The following RSPH4A variants were observed in gnomAD, a reference collection of about 807,000 sequenced individuals.
RSPH4A encodes radial spoke head component 4A, also known as radial spoke head protein 4 homolog A.
A neutral mutation model predicts 71.0 loss-of-function variants in RSPH4A; 47 were observed. The ratio of observed to expected loss-of-function variants is 0.66; its 90% confidence interval spans 0.52 to 0.84. The LOEUF (loss-of-function observed/expected upper bound fraction) is 0.84, where lower values mean the gene tolerates loss of function less well. Among genes scored for constraint, RSPH4A ranks in the 40% least tolerant of loss-of-function variants. The probability of loss-of-function intolerance (pLI) is 0.00; values close to 1 mark genes in which losing one functional copy is unlikely to be tolerated. For synonymous variants in RSPH4A, 282 were observed against 302.3 expected, an observed-to-expected ratio of 0.93 and a Z score of 0.70; for missense variants, 793 against 855.2, an observed-to-expected ratio of 0.93 and a Z score of 0.91.
rs566718486 is a variant in RSPH4A, at chr6:116,621,398, C to A, written c.687-1370C>A. Among the ~76,000 whole-genome samples, 3 of 151,972 alleles carry A rather than the reference C, an allele frequency of 2.0e-5. No homozygotes were observed. In the South Asian group the frequency reaches 6.2e-4, roughly 32 times the overall value. On this transcript the variant is annotated intron_variant, in intron 1 of 5. Coordinates refer to ENST00000229554, the MANE Select transcript of RSPH4A (RefSeq NM_001010892.3). ...GAGACGTTAAATGAAAAAGAAAAAA[C>A]GAAAAATATAGCTTAGGTCAATTAA... is the stretch of plus-strand genomic sequence containing the variant.
Position 116,627,680 on chromosome 6 carries a change from G to C in RSPH4A, c.973G>C (p.Ala325Pro), listed in dbSNP as rs771874160. Residue 325 changes from alanine to proline, a missense_variant, in exon 3 of 6, where the codon GCT (alanine) becomes CCT (proline). Physicochemically the swap from Ala to Pro is conservative, Grantham distance 27 (BLOSUM62 -1). Transcript: ENST00000229554. Reference protein sequence around the residue: ...VMESAFYFEQAGVGLGTDETY... With the variant: ...VMESAFYFEQPGVGLGTDETY... The stretch of plus-strand genomic sequence containing the variant: ...GGAGTCAGCTTTTTATTTTGAACAA[G>C]CTGGAGTTGGTTTGGGCACAGATGA... 2.5e-6 allele frequency: 4 copies of C among 1,614,200 alleles called. No individual in the cohort carries two copies. Among genetic ancestry groups the C allele is most frequent in the Non-Finnish European group, 3.4e-6 (4 of 1,180,050 alleles).
chr6:116,628,321 A>T lies in RSPH4A; in HGVS notation c.1614A>T (p.Val538=). The change falls in exon 3 of 6, where the codon GTA becomes GTT. Residue 538 remains valine (V), a synonymous_variant. Coordinates refer to ENST00000229554, the MANE Select transcript of RSPH4A (RefSeq NM_001010892.3). ...DFEGIQVIDL[V]ESLSNWVHHV... Reference sequence around the variant, plus strand: ...AAGGCATCCAAGTGATTGATCTAGTAGAATCCCTATCCAATTGGGTTCATC... The same window carrying T: ...AAGGCATCCAAGTGATTGATCTAGTTGAATCCCTATCCAATTGGGTTCATC... The T allele has an allele frequency of 6.2e-7, 1 of 1,612,934 alleles. No individual in the cohort carries two copies. Among genetic ancestry groups the T allele is most frequent in the Non-Finnish European group, 8.5e-7 (1 of 1,179,708 alleles).
chr6:116,618,268 A>T (rs1775543376), intron 1 of RSPH4A, among the ~76,000 whole-genome samples: 1 of 152,190 alleles, frequency 6.6e-6, no homozygotes, highest in Non-Finnish European at 1.5e-5. Context: ...ACTACTAAAA[A>T]GCTTATTCTT....
rs1775505157 is a variant in RSPH4A at position 116,616,574 on chromosome 6, T to C, written c.-50T>C. ...AACTTAACTGAGTTGCCTTCTTCCA[T>C]ATTTTCACGCCCCTTTCATCCAGAA... On this transcript the variant is annotated 5_prime_UTR_variant, in exon 1 of 6. Coordinates refer to ENST00000229554, the MANE Select transcript of RSPH4A (RefSeq NM_001010892.3). The C allele has an allele frequency of 8.0e-6, 12 of 1,496,360 alleles. No individual in the cohort carries two copies. The East Asian group carries it at 2.8e-4, about 35-fold the overall frequency. 92.7% of individuals were successfully genotyped at this position (1,496,360 alleles called of 1,614,324 possible). A position where few individuals can be genotyped will look rare whatever the true frequency, so the allele number is the denominator to read the frequency against.
chr6:116,625,477 A>T (rs535561744), intron 2 of RSPH4A, among the ~76,000 whole-genome samples: 2 of 152,316 alleles, frequency 1.3e-5, no homozygotes, highest in African/African-American at 4.8e-5. Flanking sequence ...AAACAGTAAG[A>T]AGTTTTTAAA....
Position 116,616,526 on chromosome 6 carries a change from C to T in RSPH4A, c.-98C>T. On this transcript the variant is annotated 5_prime_UTR_variant, in exon 1 of 6. Coordinates refer to ENST00000229554, the MANE Select transcript of RSPH4A (RefSeq NM_001010892.3). ...CACAGAGCAACCAGGACCCAGAAAT[C>T]GCTTAAGAGACCGCGGCAAAGTAAC... 2 of 1,057,846 alleles carry T rather than the reference C, an allele frequency of 1.9e-6. No individual in the cohort carries two copies. The highest frequency in any genetic ancestry group is 1.4e-6 in the Non-Finnish European group (1 of 700,500). 65.5% of individuals were successfully genotyped at this position (1,057,846 alleles called of 1,614,324 possible).
At chr6:116,622,353 C>T (rs901914499) in intron 1 of RSPH4A, among the ~76,000 whole-genome samples, 2 of 151,982 alleles carry the variant, frequency 1.3e-5, no homozygotes, top group Non-Finnish European at 2.9e-5. Context: ...AATATATAAC[C>T]AAAAGATTGT....
chr6:116,625,501 G>A (rs986641015), intron 2 of RSPH4A, among the ~76,000 whole-genome samples: 1 of 152,092 alleles, frequency 6.6e-6, no homozygotes, highest in Non-Finnish European at 1.5e-5. Flanking sequence ...AGAATAGCAT[G>A]GTCTGACTTT....
At chr6:116,629,042 T>A (rs1184303114) in intron 3 of RSPH4A, among the ~76,000 whole-genome samples, 1 of 152,200 alleles carries the variant, frequency 6.6e-6, no homozygotes, top group African/African-American at 2.4e-5. Context: ...GTGGACCCAG[T>A]GCATCCACTT....
rs757396525 is a variant in RSPH4A at position 116,616,783 on chromosome 6, C to T, written c.160C>T (p.Gln54Ter). The change falls in exon 1 of 6, where the codon CAG (glutamine) becomes TAG (stop). Residue 54 changes from glutamine to a stop codon, truncating the protein, a stop_gained. Transcript: ENST00000229554. LOFTEE classifies it high-confidence loss of function. ...EAKQGPETGR[Q>*]SRSSRPWSPQ... ...GAAGCAGGGGCCAGAAACTGGACGC[C>T]AGTCCCGAAGCAGCCGTCCTTGGAG... 9.3e-6 allele frequency: 15 copies of T among 1,614,180 alleles called. No individual in the cohort carries two copies. The highest frequency in any genetic ancestry group is 1.3e-5 in the Non-Finnish European group (15 of 1,180,024).
At chr6:116,628,939 A>G (rs183231383) in intron 3 of RSPH4A, among the ~76,000 whole-genome samples, 1 of 152,226 alleles carries the variant, frequency 6.6e-6, no homozygotes, top group Admixed American at 6.5e-5. Flanking sequence ...ATTATCCTTA[A>G]TTTTCAGATG....
Position 116,627,620 on chromosome 6 carries a change from T to C in RSPH4A, c.922-9T>C. 4 of 1,608,830 alleles carry C rather than the reference T, an allele frequency of 2.5e-6. No homozygotes were observed. Among genetic ancestry groups the C allele is most frequent in the Non-Finnish European group, 3.4e-6 (4 of 1,175,160 alleles). On this transcript the variant is annotated splice_polypyrimidine_tract_variant and intron_variant, in intron 2 of 5. Transcript: ENST00000229554. ...TGATAAATTTTAACCACAGCATTTG[T>C]TTCCCCAGGCAGAAAACGCTCTTCC...
At chr6:116,629,785 G>A (rs1198378207) in intron 4 of RSPH4A, 83 bp downstream of exon 4, 14 of 1,330,934 alleles carry the variant, frequency 1.1e-5, no homozygotes, top group South Asian at 3.6e-5. Context: ...TATGAGAGTC[G>A]GAAAGCTCTA....
At chr6:116,617,856 C>A (rs1251841548) in intron 1 of RSPH4A, among the ~76,000 whole-genome samples, 1 of 152,156 alleles carries the variant, frequency 6.6e-6, no homozygotes, top group African/African-American at 2.4e-5. Flanking sequence ...CTACCTGGAA[C>A]ACATGCCATT....
rs754824302 is a variant in RSPH4A, at chr6:116,616,664, A to T, written c.41A>T (p.Gln14Leu). The T allele has an allele frequency of 6.2e-7, 1 of 1,614,070 alleles. No homozygotes were observed. Among genetic ancestry groups the T allele is most frequent in the Non-Finnish European group, 8.5e-7 (1 of 1,179,992 alleles). ...TCCCCGAAGCAAGAAAAAGAAAACC[A>T]AGAAGAACTAGGGGAAACAAGGCGG... ...STSPKQEKEN[Q>L]EELGETRRPW... The change falls in exon 1 of 6, where the codon CAA becomes CTA. Residue 14 changes from glutamine (Q) to leucine (L), a missense_variant. Coordinates refer to ENST00000229554, the MANE Select transcript of RSPH4A (RefSeq NM_001010892.3).
chr6:116,619,653 A>T (rs2115353685), intron 1 of RSPH4A, among the ~76,000 whole-genome samples: 1 of 150,652 alleles, frequency 6.6e-6, no homozygotes, highest in East Asian at 1.9e-4. Context: ...TAAGGAATAA[A>T]AAAATTAATG....
intron 4 of RSPH4A, among the ~76,000 whole-genome samples, 154 bp from the exon 5 acceptor site, chr6:116,630,278 TTTG>T (rs138158236): frequency 0.049 from 7,518 of 152,226 alleles, 197 homozygotes; most frequent in South Asian, 0.078. Context: ...CCCTCCTGAT[TTTG>T]TTAAGTTGCT....
Position 116,632,589 on chromosome 6 carries a change from A to G in RSPH4A, c.*148A>G. On this transcript the variant is annotated 3_prime_UTR_variant, in exon 6 of 6. Coordinates refer to ENST00000229554, the MANE Select transcript of RSPH4A (RefSeq NM_001010892.3). Reference sequence around the variant, plus strand: ...TGCAAAATCTCAATCTTGAAAATCAAGCTTGAAATTTCATAGGTAGAAATA... The same window carrying G: ...TGCAAAATCTCAATCTTGAAAATCAGGCTTGAAATTTCATAGGTAGAAATA... 1 of 1,058,190 alleles carries G rather than the reference A, an allele frequency of 9.5e-7. No homozygotes were observed. The highest frequency in any genetic ancestry group is 2.7e-5 in the East Asian group (1 of 37,718). The allele number at this position is 1,058,190 out of a possible 1,614,324, so 65.6% of individuals were successfully genotyped here.
Position 116,623,390 on chromosome 6 carries a change from T to C in RSPH4A, c.921+388T>C, listed in dbSNP as rs183533240. Among the ~76,000 whole-genome samples the C allele has an allele frequency of 3.3e-5, 5 of 152,326 alleles. No individual in the cohort carries two copies. The East Asian group carries it at 7.7e-4, about 23-fold the overall frequency. The stretch of plus-strand genomic sequence containing the variant: ...CGTGAGCTACTGCACCTGGCCCTTA[T>C]AGCTTCTTACATAGTATTTACATCT... On this transcript the variant is annotated intron_variant, in intron 2 of 5. Coordinates refer to ENST00000229554, the MANE Select transcript of RSPH4A (RefSeq NM_001010892.3).
Sources: gnomAD v4.1 joint callset for allele counts (sites outside exome capture counted in the v4.1 genomes callset) on GRCh38, gnomAD v4.1.1 for gene constraint, MANE v1.5 for transcripts, NCBI Gene and HGNC (gene_info 2026-07-23, HGNC 2026-07-21) for gene names.